ARHGAP35: variants seen among roughly 807,000 people sequenced by gnomAD.
The protein encoded by ARHGAP35 is Rho GTPase activating protein 35, also known as rho GTPase-activating protein 35.
Under a neutral mutation model 111.1 loss-of-function variants are expected in ARHGAP35, and 15 were observed. The ratio of observed to expected loss-of-function variants is 0.13; its 90% CI spans 0.09 to 0.21. The LOEUF (loss-of-function observed/expected upper bound fraction) is 0.21, where lower values mean the gene tolerates loss of function less well. Ranked by LOEUF, ARHGAP35 falls within the 10% of genes least tolerant of loss-of-function variation. The pLI is 1.00. For missense variants in ARHGAP35, 1,262 were observed against 1,873.0 expected (o/e 0.67, Z 6.02); for synonymous variants, 643 against 710.3 (o/e 0.91, Z 1.51).
chr19:46,937,916 G>A (rs1381410342), intron 3 of ARHGAP35, among the ~76,000 whole-genome samples: 2 of 152,148 alleles, frequency 1.3e-5, no homozygotes. Flanking sequence ...TAGGATGTTT[G>A]GGATATCTTC....
At chr19:46,879,976 C>T (rs2122133041) in intron 1 of ARHGAP35, among the ~76,000 whole-genome samples, 1 of 151,466 alleles carries the variant, frequency 6.6e-6, no homozygotes. Context: ...ATCCCAGAAA[C>T]TTGGGAGGTT....
chr19:46,907,823 A>G (rs1301480497), intron 1 of ARHGAP35, among the ~76,000 whole-genome samples: 1 of 152,234 alleles, frequency 6.6e-6, no homozygotes, highest in Non-Finnish European at 1.5e-5. Flanking sequence ...TGCATTAGAT[A>G]AAATAAAAGC....
intron 1 of ARHGAP35, among the ~76,000 whole-genome samples, chr19:46,914,735 C>T (rs952742292): frequency 1.3e-5 from 2 of 152,162 alleles, no homozygotes; most frequent in Non-Finnish European, 2.9e-5. Context: ...ATGGATAATA[C>T]ATTTTAGTTC....
At chr19:46,889,372 T>A (rs2056012636) in intron 1 of ARHGAP35, among the ~76,000 whole-genome samples, 1 of 151,194 alleles carries the variant, frequency 6.6e-6, no homozygotes, top group Non-Finnish European at 1.5e-5. Flanking sequence ...GGCAGGAGAA[T>A]CCCTTGAACC....
rs1444896513 is a variant in ARHGAP35 at position 46,921,499 on chromosome 19, G to A, written c.2824G>A (p.Val942Met). Residue 942 changes from valine (V) to methionine (M), a missense_variant, in exon 2 of 7, where the codon GTG becomes ATG. Physicochemically the swap from Val to Met is conservative, Grantham distance 21. Coordinates refer to ENST00000672722, the MANE Select transcript of ARHGAP35 (RefSeq NM_004491.5). The surrounding 1 kb of genome is among the most constrained non-coding windows in gnomAD (Gnocchi z 4.3). ...EIFHPFFKDV[V>M]EKKNIIEATH... ...CTTTCACCCATTTTTTAAAGATGTG[G>A]TGGAAAAAAAGAACATAATCGAGGC... 1.2e-6 allele frequency: 2 copies of A among 1,613,762 alleles called. No individual in the cohort carries two copies. The highest frequency in any genetic ancestry group is 1.7e-6 in the Non-Finnish European group (2 of 1,179,870).
intron 3 of ARHGAP35, among the ~76,000 whole-genome samples, chr19:46,969,021 A>G (rs1242192363): frequency 6.6e-6 from 1 of 152,148 alleles, no homozygotes; most frequent in East Asian, 1.9e-4. Context: ...TGGAAGGCAG[A>G]GGTTGCAGTG....
intron 3 of ARHGAP35, among the ~76,000 whole-genome samples, chr19:46,973,724 A>G (rs977538685): frequency 1.3e-5 from 2 of 149,632 alleles, no homozygotes; most frequent in South Asian, 2.1e-4. Flanking sequence ...ACAATGGCTT[A>G]TGTCTGTAAT....
In ARHGAP35 at chr19:46,988,235, G is replaced by A; in HGVS notation, c.3904+169G>A. 2 of 645,098 alleles carry A rather than the reference G, an allele frequency of 3.1e-6. No individual in the cohort carries two copies. Among genetic ancestry groups the A allele is most frequent in the Non-Finnish European group, 2.7e-6 (1 of 372,822 alleles). The allele number at this position is 645,098 out of a possible 1,614,324, so 40.0% of individuals were successfully genotyped here. A position where few individuals can be genotyped will look rare whatever the true frequency, so the allele number is the denominator to read the frequency against. Reference sequence around the variant, plus strand: ...ATGTGTGGCTGCAGCGGGGAGGAGGGGACCGGGTCCTGTCAGTGAACCGAA... The same window carrying A: ...ATGTGTGGCTGCAGCGGGGAGGAGGAGACCGGGTCCTGTCAGTGAACCGAA... On this transcript the variant is annotated intron_variant, in intron 4 of 6. Transcript: ENST00000672722. The surrounding 1 kb of genome is among the most constrained non-coding windows in gnomAD (Gnocchi z 5.4).
At chr19:46,925,291 C>T (rs960859106) in intron 2 of ARHGAP35, among the ~76,000 whole-genome samples, 1 of 152,152 alleles carries the variant, frequency 6.6e-6, no homozygotes, top group Non-Finnish European at 1.5e-5. Context: ...AATCCTTTGC[C>T]GCTAGAGCAA....
At chr19:46,876,290 C>G (rs1368632394) in intron 1 of ARHGAP35, among the ~76,000 whole-genome samples, 1 of 151,830 alleles carries the variant, frequency 6.6e-6, no homozygotes, top group Non-Finnish European at 1.5e-5. Flanking sequence ...AGCCTTACCT[C>G]ACAGGCTCAA....
intron 1 of ARHGAP35, among the ~76,000 whole-genome samples, chr19:46,879,802 AT>A (rs1374645506): frequency 7.0e-6 from 1 of 143,432 alleles, no homozygotes; most frequent in East Asian, 2.1e-4. Context: ...AAAAAAAAAA[AT>A]CGCTGGGTGC....
chr19:46,974,730 C>A (rs962593797), intron 3 of ARHGAP35, among the ~76,000 whole-genome samples: 1 of 152,106 alleles, frequency 6.6e-6, no homozygotes, highest in Non-Finnish European at 1.5e-5. Flanking sequence ...CCTCTCCCCT[C>A]ACCCCCAGAG....
At chr19:46,959,929 C>G (rs2056468012) in intron 3 of ARHGAP35, among the ~76,000 whole-genome samples, 1 of 150,992 alleles carries the variant, frequency 6.6e-6, no homozygotes, top group Non-Finnish European at 1.5e-5. Flanking sequence ...AAGACCTTGC[C>G]TCTACAAAAA....
At chr19:46,957,254 C>A (rs930817141) in intron 3 of ARHGAP35, among the ~76,000 whole-genome samples, 4 of 152,120 alleles carry the variant, frequency 2.6e-5, no homozygotes, top group Non-Finnish European at 5.9e-5. Context: ...AGCCACTGCG[C>A]CCGGCCAAAG....
At chr19:46,964,766 C>T (rs564534754) in intron 3 of ARHGAP35, among the ~76,000 whole-genome samples, 2 of 152,164 alleles carry the variant, frequency 1.3e-5, no homozygotes, top group South Asian at 4.1e-4. Flanking sequence ...GTAATAAGGT[C>T]AATATGTGAA....
Position 47,001,303 on chromosome 19 carries a change from C to T in ARHGAP35, c.*615C>T. The T allele has an allele frequency of 8.1e-5, 104 of 1,290,518 alleles. No homozygotes were observed. Among genetic ancestry groups the T allele is most frequent in the Non-Finnish European group, 1.0e-4 (102 of 989,368 alleles). 79.9% of individuals were successfully genotyped at this position (1,290,518 alleles called of 1,614,324 possible). ...GTGCCTGGACCCAGAGAGTGTGGGA[C>T]TCCCCGCTTCATCCCCACCGTCCCA... On this transcript the variant is annotated 3_prime_UTR_variant, in exon 7 of 7. Coordinates refer to ENST00000672722, the MANE Select transcript of ARHGAP35 (RefSeq NM_004491.5). This position sits in a 1 kb window ranked among gnomAD's most constrained non-coding sequence, Gnocchi z 5.4.
chr19:46,936,845 CTTT>C (rs570390790), intron 2 of ARHGAP35, among the ~76,000 whole-genome samples: 4 of 128,434 alleles, frequency 3.1e-5, no homozygotes. Context: ...TTCTTGAAAT[CTTT>C]TTTTTTTTTT....
intron 3 of ARHGAP35, among the ~76,000 whole-genome samples, chr19:46,942,074 T>C (rs2056350632): frequency 6.6e-6 from 1 of 152,162 alleles, no homozygotes. Flanking sequence ...TGGAGGGATG[T>C]CTTTGTGTAC....
chr19:46,922,046 A>T lies in ARHGAP35; in HGVS notation c.3371A>T (p.Lys1124Ile), dbSNP rs780015460. Reference protein sequence around the residue: ...GKIITIRNINKAQSNGSGNGS... With the variant: ...GKIITIRNINIAQSNGSGNGS... ...ATCATCACCATTCGGAATATCAACAAAGCCCAGTCCAACGGCAGCGGGAAT... is the reference window on the plus strand; with the variant it reads ...ATCATCACCATTCGGAATATCAACATAGCCCAGTCCAACGGCAGCGGGAAT... Residue 1124 changes from lysine to isoleucine, a missense_variant, in exon 2 of 7, where the codon AAA (lysine) becomes ATA (isoleucine). Physicochemically the swap from Lys to Ile is moderately radical, Grantham distance 102. Coordinates refer to ENST00000672722, the MANE Select transcript of ARHGAP35 (RefSeq NM_004491.5). The surrounding 1 kb of genome is among the most constrained non-coding windows in gnomAD (Gnocchi z 4.0). 1 of 1,614,010 alleles carries T rather than the reference A, an allele frequency of 6.2e-7. No homozygotes were observed. The highest frequency in any genetic ancestry group is 1.1e-5 in the South Asian group (1 of 91,088).
Sources: gnomAD v4.1 joint callset for allele counts (sites outside exome capture counted in the v4.1 genomes callset) on GRCh38, gnomAD v4.1.1 for gene constraint, Gnocchi (gnomAD v3.1) non-coding constraint, MANE v1.5 for transcripts, NCBI Gene and HGNC (gene_info 2026-07-23, HGNC 2026-07-21) for gene names.